ALG6: variants seen among roughly 807,000 people sequenced by gnomAD.
ALG6 encodes dolichyl pyrophosphate Man9GlcNAc2 alpha-1,3-glucosyltransferase.
In ALG6, 46 loss-of-function variants were observed where a neutral mutation model predicts 66.6. The ratio of observed to expected loss-of-function variants is 0.69; its 90% CI spans 0.55 to 0.88. The LOEUF (loss-of-function observed/expected upper bound fraction) is 0.88. Ranked by LOEUF, ALG6 falls within the 40% of genes least tolerant of loss-of-function variation. The pLI, the probability that ALG6 is intolerant of heterozygous loss-of-function variation, is 0.00. For missense variants in ALG6, 505 were observed against 586.8 expected (o/e 0.86, Z 1.44); for synonymous variants, 185 against 203.7 (o/e 0.91, Z 0.78).
intron 2 of ALG6, among the ~76,000 whole-genome samples, chr1:63,373,961 A>T (rs534519032): frequency 6.6e-6 from 1 of 152,292 alleles, no homozygotes; most frequent in African/African-American, 2.4e-5. Flanking sequence ...CTCTTTATTC[A>T]GCATGAATTT....
intron 12 of ALG6, among the ~76,000 whole-genome samples, chr1:63,422,320 T>TATAG (rs1644587400): frequency 1.7e-5 from 2 of 114,648 alleles, no homozygotes; most frequent in African/African-American, 7.0e-5. Flanking sequence ...TATCTATATA[T>TATAG]GAATATATAT....
intron 2 of ALG6, among the ~76,000 whole-genome samples, chr1:63,390,390 C>T (rs1373696277): frequency 6.6e-6 from 1 of 152,158 alleles, no homozygotes; most frequent in African/African-American, 2.4e-5. Context: ...ATTTAAGTTG[C>T]AAGACAAAGT....
intron 12 of ALG6, among the ~76,000 whole-genome samples, chr1:63,426,503 GTTAT>G (rs1253109831): frequency 1.3e-5 from 2 of 152,164 alleles, no homozygotes; most frequent in East Asian, 3.8e-4. Context: ...TAGGAGCTGA[GTTAT>G]AATCATCTTT....
chr1:63,436,068 T>G (rs1644677217), intron 14 of ALG6, among the ~76,000 whole-genome samples: 1 of 152,190 alleles, frequency 6.6e-6, no homozygotes, highest in Non-Finnish European at 1.5e-5. Flanking sequence ...TGTGCTTTAC[T>G]CATTGAAAGC....
chr1:63,435,762 C>CTCAG (rs202186338), intron 14 of ALG6, among the ~76,000 whole-genome samples: 1,914 of 152,184 alleles, frequency 0.013, 42 homozygotes, highest in African/African-American at 0.044. Context: ...AATTCTGTTC[C>CTCAG]TCAGTCACAG....
intron 3 of ALG6, among the ~76,000 whole-genome samples, chr1:63,397,615 A>T (rs546986330): frequency 6.6e-6 from 1 of 152,320 alleles, no homozygotes; most frequent in Admixed American, 6.5e-5. Context: ...AAACTCAGAG[A>T]ACTTCATAGA....
chr1:63,382,314 G>A (rs1431502498), intron 2 of ALG6, among the ~76,000 whole-genome samples: 1 of 151,564 alleles, frequency 6.6e-6, no homozygotes, highest in African/African-American at 2.4e-5. Context: ...CAATTCTTCT[G>A]TCTCAGCCTC....
At chr1:63,406,174 T>C in intron 5 of ALG6, 143 bp from the exon 6 acceptor site, 1 of 714,612 alleles carries the variant, frequency 1.4e-6, no homozygotes, top group Non-Finnish European at 2.5e-6. Context: ...GATTGAAAAG[T>C]GCTGACTGTG....
intron 1 of ALG6, 55 bp downstream of exon 1, chr1:63,367,742 CG>C: frequency 6.6e-6 from 1 of 152,370 alleles, no homozygotes; most frequent in Non-Finnish European, 1.5e-5. Context: ...GGGGAGGTGC[CG>C]GGGGCTCGGA....
chr1:63,408,208 C>T (rs1644499581), intron 7 of ALG6, among the ~76,000 whole-genome samples: 1 of 152,138 alleles, frequency 6.6e-6, no homozygotes, highest in Non-Finnish European at 1.5e-5. Flanking sequence ...GAACTAACTA[C>T]TAATCCTATA....
chr1:63,402,344 G>A lies in ALG6; in HGVS notation c.257+1G>A. 3.7e-6 allele frequency: 6 copies of A among 1,600,894 alleles called. No homozygotes were observed. The highest frequency in any genetic ancestry group is 5.1e-6 in the Non-Finnish European group (6 of 1,169,462). ...ATCATAGTCTCCTATGTGCATATGT[G>A]TAAGTTTTTCTTTCTTAATGTAACT... On this transcript the variant is annotated splice_donor_variant, in intron 4 of 14. Transcript: ENST00000263440. LOFTEE classifies it high-confidence loss of function.
Position 63,411,345 on chromosome 1 carries a change from A to C in ALG6, c.680+14A>C. 6.2e-7 allele frequency: 1 copy of C among 1,611,232 alleles called. No homozygotes were observed. Among genetic ancestry groups the C allele is most frequent in the Non-Finnish European group, 8.5e-7 (1 of 1,178,810 alleles). The stretch of plus-strand genomic sequence containing the variant: ...CAAAGGAAAGGGGTGAGTGACTTTT[A>C]AACACTAGAATCCAAAAATTTACTT... On this transcript the variant is annotated intron_variant, in intron 8 of 14. Coordinates refer to ENST00000263440, the MANE Select transcript of ALG6 (RefSeq NM_013339.4).
chr1:63,422,772 A>G (rs1160320944), intron 12 of ALG6, among the ~76,000 whole-genome samples: 3 of 151,798 alleles, frequency 2.0e-5, no homozygotes, highest in African/African-American at 7.3e-5. Context: ...CCTGACCAAT[A>G]TGGAGAAACC....
At chr1:63,430,718 C>CT (rs754621454) in intron 14 of ALG6, among the ~76,000 whole-genome samples, 1 of 152,106 alleles carries the variant, frequency 6.6e-6, no homozygotes, top group Non-Finnish European at 1.5e-5. Flanking sequence ...TATTCAAATC[C>CT]TTTGCCCATT....
At chr1:63,411,843 A>G in intron 8 of ALG6, 83 bp from the exon 9 acceptor site, 1 of 1,561,700 alleles carries the variant, frequency 6.4e-7, no homozygotes, top group African/African-American at 1.4e-5. Context: ...ATGTGCATGT[A>G]TTATGTTCAG....
intron 2 of ALG6, among the ~76,000 whole-genome samples, chr1:63,371,882 C>T (rs889547066): frequency 1.3e-5 from 2 of 152,114 alleles, no homozygotes; most frequent in Non-Finnish European, 2.9e-5. Context: ...GGATTACAGG[C>T]GTGAGCCACC....
At position 63,433,466 on chromosome 1, in the gene ALG6, G is replaced by C. The variant is rs1029660258; in HGVS notation, c.1327-3357G>C. Among the ~76,000 whole-genome samples the C allele has an allele frequency of 6.6e-6, 1 of 152,170 alleles. No homozygotes were observed. Among genetic ancestry groups the C allele is most frequent in the Admixed American group, 6.5e-5 (1 of 15,282 alleles). On this transcript the variant is annotated intron_variant, in intron 14 of 14. Transcript: ENST00000263440. This position sits in a 1 kb window ranked among gnomAD's most constrained non-coding sequence, Gnocchi z 4.2. The stretch of plus-strand genomic sequence containing the variant: ...TGCACTTTAGGTAATGACCATGGAG[G>C]ATAGTGGTGTGGGAGGTAGGAAGTT...
chr1:63,399,750 T>C (rs1644436379), intron 3 of ALG6, among the ~76,000 whole-genome samples: 1 of 152,322 alleles, frequency 6.6e-6, no homozygotes, highest in Middle Eastern at 3.4e-3. Flanking sequence ...CATCTTAAAG[T>C]TAATGGTAAC....
intron 4 of ALG6, 114 bp downstream of exon 4, chr1:63,402,457 TG>T: frequency 1.7e-6 from 1 of 577,240 alleles, no homozygotes; most frequent in Non-Finnish European, 3.0e-6. Context: ...TAGCTGCTAT[TG>T]TATTTTTTTT....
Sources: gnomAD v4.1 joint callset for allele counts (sites outside exome capture counted in the v4.1 genomes callset) on GRCh38, gnomAD v4.1.1 for gene constraint, Gnocchi (gnomAD v3.1) non-coding constraint, MANE v1.5 for transcripts, NCBI Gene and HGNC (gene_info 2026-07-23, HGNC 2026-07-21) for gene names.